Variants in CACNB2 observed in about 807,000 individuals in gnomAD.
CACNB2 encodes calcium voltage-gated channel auxiliary subunit beta 2, also known as voltage-dependent L-type calcium channel subunit beta-2.
CACNB2 carries 42 observed loss-of-function variants against 73.3 expected under a neutral mutation model. The observed-to-expected ratio is 0.57, with a 90% CI of 0.45 to 0.74. The LOEUF (loss-of-function observed/expected upper bound fraction) is 0.74, where lower values mean the gene tolerates loss of function less well. Among genes scored for constraint, CACNB2 ranks in the 30% least tolerant of loss-of-function variants. The pLI is 0.00. For synonymous variants in CACNB2, 348 were observed against 310.3 expected (o/e 1.12, Z -1.28); for missense variants, 940 against 853.0 (o/e 1.10, Z -1.27).
chr10:18,268,710 T>G (rs925420267), intron 2 of CACNB2, among the ~76,000 whole-genome samples: 1 of 152,200 alleles, frequency 6.6e-6, no homozygotes, highest in Non-Finnish European at 1.5e-5. Context: ...TGTTTTAATT[T>G]AATAATACAT....
intron 2 of CACNB2, among the ~76,000 whole-genome samples, chr10:18,354,939 A>G (rs1019880611): frequency 5.9e-5 from 9 of 152,136 alleles, no homozygotes; most frequent in Non-Finnish European, 5.9e-5. Context: ...GTACTTACGT[A>G]GGCTAGAGAC....
intron 2 of CACNB2, among the ~76,000 whole-genome samples, chr10:18,159,649 A>C (rs372130499): frequency 1.3e-5 from 2 of 152,218 alleles, no homozygotes; most frequent in African/African-American, 4.8e-5. Flanking sequence ...ATATTAGTTC[A>C]AATTGGCTTT....
intron 2 of CACNB2, among the ~76,000 whole-genome samples, chr10:18,266,844 C>T (rs561102425): frequency 1.3e-5 from 2 of 152,224 alleles, no homozygotes; most frequent in East Asian, 1.9e-4. Context: ...GAGCCGAGAT[C>T]GTGCCACTGC....
chr10:18,439,894 G>C (rs2046328359), intron 3 of CACNB2, among the ~76,000 whole-genome samples: 1 of 152,180 alleles, frequency 6.6e-6, no homozygotes, highest in Non-Finnish European at 1.5e-5. Context: ...TTACAGTCTA[G>C]CTCGGAGAAA....
intron 2 of CACNB2, among the ~76,000 whole-genome samples, chr10:18,159,156 A>G (rs1253486669): frequency 1.3e-5 from 2 of 152,012 alleles, no homozygotes; most frequent in East Asian, 3.8e-4. Flanking sequence ...ACCAAATGCT[A>G]AGAGGATGAC....
intron 2 of CACNB2, among the ~76,000 whole-genome samples, chr10:18,300,364 G>A (rs2039459514): frequency 1.3e-5 from 2 of 152,112 alleles, no homozygotes; most frequent in Admixed American, 1.3e-4. Flanking sequence ...GCTGTGCCTT[G>A]GGTAACAAGT....
intron 3 of CACNB2, among the ~76,000 whole-genome samples, chr10:18,453,138 T>A (rs1295914805): frequency 6.6e-6 from 1 of 152,190 alleles, no homozygotes; most frequent in Non-Finnish European, 1.5e-5. Context: ...ACTATTAATA[T>A]TAGAACAGCC....
chr10:18,535,970 C>G, intron 11 of CACNB2, 131 bp from the exon 12 acceptor site: 1 of 640,076 alleles, frequency 1.6e-6, no homozygotes, highest in Non-Finnish European at 2.8e-6. Context: ...TGCAGATAAT[C>G]TTATAGCTCC....
At chr10:18,267,078 A>T (rs946593759) in intron 2 of CACNB2, among the ~76,000 whole-genome samples, 11 of 152,084 alleles carry the variant, frequency 7.2e-5, no homozygotes, top group African/African-American at 2.2e-4. Flanking sequence ...TTTTCCAGAT[A>T]ATGTCTTAAG....
intron 11 of CACNB2, 43 bp from the exon 12 acceptor site, chr10:18,536,058 G>C (rs1415314673): frequency 8.5e-7 from 1 of 1,179,094 alleles, no homozygotes; most frequent in Non-Finnish European, 1.3e-6. Context: ...TACTTTACCT[G>C]GATGTAGTTA....
At chr10:18,391,945 A>AG (rs2043493724) in intron 2 of CACNB2, among the ~76,000 whole-genome samples, 1 of 149,692 alleles carries the variant, frequency 6.7e-6, no homozygotes, top group African/African-American at 2.5e-5. Context: ...AAAAAAAAAA[A>AG]GAAGGTAAAA....
At chr10:18,277,533 T>G (rs1443763044) in intron 2 of CACNB2, among the ~76,000 whole-genome samples, 1 of 152,196 alleles carries the variant, frequency 6.6e-6, no homozygotes, top group East Asian at 1.9e-4. Context: ...GAGTGAGCGC[T>G]AAATGTTAGC....
chr10:18,468,082 C>T (rs1385951687), intron 3 of CACNB2, among the ~76,000 whole-genome samples: 2 of 152,100 alleles, frequency 1.3e-5, no homozygotes, highest in East Asian at 3.9e-4. Context: ...TTACCAGGCA[C>T]ATGTTGATCA....
intron 2 of CACNB2, among the ~76,000 whole-genome samples, chr10:18,265,570 A>G (rs762296562): frequency 2.0e-5 from 3 of 152,254 alleles, no homozygotes; most frequent in African/African-American, 2.4e-5. Flanking sequence ...TAACAAAATC[A>G]TTAAAGACAA....
chr10:18,145,056 C>A (rs2030820981), intron 1 of CACNB2, among the ~76,000 whole-genome samples: 1 of 152,164 alleles, frequency 6.6e-6, no homozygotes, highest in Non-Finnish European at 1.5e-5. Flanking sequence ...CACCTCCAGT[C>A]GCACCTGAAA....
chr10:18,417,391 G>A (rs11014154), intron 3 of CACNB2, among the ~76,000 whole-genome samples: 30,836 of 109,464 alleles, frequency 0.28, 3,994 homozygotes, highest in Middle Eastern at 0.5. Context: ...TTTTTGAGAC[G>A]AAGTTTCACT....
chr10:18,166,219 GATTCAATTAATAATA>G (rs531076659), intron 2 of CACNB2, among the ~76,000 whole-genome samples: 1 of 152,180 alleles, frequency 6.6e-6, no homozygotes, highest in Non-Finnish European at 1.5e-5. Flanking sequence ...CTTCAATCCT[GATTCAATTAATAATA>G]ATTCAATTAA....
chr10:18,274,056 C>T (rs2038171244), intron 2 of CACNB2, among the ~76,000 whole-genome samples: 1 of 152,112 alleles, frequency 6.6e-6, no homozygotes, highest in African/African-American at 2.4e-5. Flanking sequence ...CTTGGGGGTC[C>T]TACTAACCTC....
intron 2 of CACNB2, among the ~76,000 whole-genome samples, chr10:18,391,441 C>G (rs2043464453): frequency 6.6e-6 from 1 of 152,110 alleles, no homozygotes; most frequent in South Asian, 2.1e-4. Flanking sequence ...GAGGTTTTCT[C>G]TCTTTCAGTC....
Sources: allele counts gnomAD v4.1 joint callset (sites outside exome capture counted in the v4.1 genomes callset), GRCh38; gene constraint gnomAD v4.1.1; transcripts MANE v1.5; gene names NCBI Gene and HGNC (gene_info 2026-07-23, HGNC 2026-07-21).